The following WDR37 variants were observed in gnomAD, a reference collection of about 807,000 sequenced individuals.
WDR37 encodes the protein WD repeat-containing protein 37.
Under a neutral mutation model 62.9 loss-of-function variants are expected in WDR37, and 19 were observed. The observed-to-expected ratio is 0.30, with a 90% confidence interval of 0.21 to 0.44. The LOEUF (loss-of-function observed/expected upper bound fraction) is 0.44, where lower values mean the gene tolerates loss of function less well. WDR37 is among the 20% of genes least tolerant of loss of function. The pLI, the probability that WDR37 is intolerant of heterozygous loss-of-function variation, is 1.00. For synonymous variants in WDR37, 250 were observed against 260.9 expected (o/e 0.96, Z 0.40); for missense variants, 474 against 657.6 (o/e 0.72, Z 3.05).
intron 4 of WDR37, 81 bp from the exon 5 acceptor site, chr10:1,080,331 T>G: frequency 6.4e-7 from 1 of 1,572,948 alleles, no homozygotes; most frequent in Non-Finnish European, 8.7e-7. Context: ...TTTCTTCCTG[T>G]GCAAGACACA....
chr10:1,068,096 A>T (rs1589077350), intron 1 of WDR37, among the ~76,000 whole-genome samples: 1 of 152,218 alleles, frequency 6.6e-6, no homozygotes, highest in Non-Finnish European at 1.5e-5. Context: ...CGGAGGGAGG[A>T]TGAGAAGAGA....
At chr10:1,068,819 T>C (rs1464299304) in intron 1 of WDR37, among the ~76,000 whole-genome samples, 1 of 152,102 alleles carries the variant, frequency 6.6e-6, no homozygotes, top group Non-Finnish European at 1.5e-5. Context: ...ACCTAAAATA[T>C]GGAAACAACC....
At chr10:1,089,848 C>G (rs1314810392) in intron 7 of WDR37, among the ~76,000 whole-genome samples, 2 of 152,344 alleles carry the variant, frequency 1.3e-5, no homozygotes, top group African/African-American at 4.8e-5. Context: ...TTCCAGGATG[C>G]CTTCTGCATT....
intron 11 of WDR37, among the ~76,000 whole-genome samples, chr10:1,118,987 A>G (rs1027086112): frequency 3.3e-5 from 5 of 152,232 alleles, no homozygotes; most frequent in African/African-American, 1.2e-4. Context: ...TCTAAAACTG[A>G]TAACGTAGAA....
chr10:1,123,621 T>C (rs1038479180), intron 11 of WDR37, among the ~76,000 whole-genome samples: 1 of 152,268 alleles, frequency 6.6e-6, no homozygotes, highest in African/African-American at 2.4e-5. Flanking sequence ...GTGGGTTGTT[T>C]GCACCTCTTT....
intron 13 of WDR37, among the ~76,000 whole-genome samples, chr10:1,126,363 G>C (rs373160450): frequency 1.6e-4 from 24 of 148,230 alleles, no homozygotes; most frequent in South Asian, 4.3e-4. Flanking sequence ...CTGAGATCGC[G>C]CCACTGCACT....
chr10:1,081,347 G>C (rs557527447), intron 5 of WDR37, among the ~76,000 whole-genome samples: 1 of 152,266 alleles, frequency 6.6e-6, no homozygotes, highest in East Asian at 1.9e-4. Context: ...CTGTACTTTG[G>C]CATATTTCAA....
chr10:1,100,742 T>C (rs922179544), intron 9 of WDR37, among the ~76,000 whole-genome samples: 6 of 152,286 alleles, frequency 3.9e-5, no homozygotes, highest in African/African-American at 1.4e-4. Flanking sequence ...CTTTGAGGGG[T>C]TCACCCCGTG....
In WDR37 at chr10:1,089,109, G is replaced by A. The variant is rs531979697; in HGVS notation, c.604+2752G>A. Among the ~76,000 whole-genome samples the A allele has an allele frequency of 2.6e-5, 4 of 152,198 alleles. No individual in the cohort carries two copies. In the South Asian group the frequency reaches 6.2e-4, roughly 24 times the overall value. Reference sequence around the variant, plus strand: ...TCAAGGGTGTGTCTTCACAGGCCCTGAGCTTTAGTTTCATCTGCCAGTCCT... The same window carrying A: ...TCAAGGGTGTGTCTTCACAGGCCCTAAGCTTTAGTTTCATCTGCCAGTCCT... On this transcript the variant is annotated intron_variant, in intron 7 of 13. Coordinates refer to ENST00000263150, the MANE Select transcript of WDR37 (RefSeq NM_014023.4).
intron 11 of WDR37, among the ~76,000 whole-genome samples, chr10:1,108,498 C>G (rs1430922831): frequency 1.3e-5 from 2 of 152,192 alleles, no homozygotes; most frequent in Non-Finnish European, 2.9e-5. Flanking sequence ...CAGAGGTGCT[C>G]TCCTGTTTCA....
At chr10:1,057,216 G>C (rs929868177) in intron 1 of WDR37, among the ~76,000 whole-genome samples, 7 of 152,028 alleles carry the variant, frequency 4.6e-5, no homozygotes, top group Non-Finnish European at 7.4e-5. Context: ...AGAAGTCGGG[G>C]CGCAGGAGTA....
At chr10:1,096,486 C>G in intron 9 of WDR37, 1 of 545,794 alleles carries the variant, frequency 1.8e-6, no homozygotes, top group Non-Finnish European at 3.3e-6. Context: ...TGTTCTCAAT[C>G]TCTCTGTCAC....
chr10:1,098,325 C>T (rs1373600551), intron 9 of WDR37, among the ~76,000 whole-genome samples: 2 of 136,192 alleles, frequency 1.5e-5, no homozygotes, highest in Non-Finnish European at 3.2e-5. Flanking sequence ...CCCATCTGTC[C>T]GTTTTTTTTT....
At chr10:1,126,392 C>G (rs187050709) in intron 13 of WDR37, among the ~76,000 whole-genome samples, 14 of 141,232 alleles carry the variant, frequency 9.9e-5, no homozygotes, top group East Asian at 2.0e-4. Flanking sequence ...GGCGACAGAG[C>G]GAGACTGTGT....
intron 7 of WDR37, among the ~76,000 whole-genome samples, chr10:1,090,932 C>G (rs1030637506): frequency 1.3e-5 from 2 of 152,178 alleles, no homozygotes; most frequent in Non-Finnish European, 2.9e-5. Flanking sequence ...GCTGCCCCGG[C>G]CTTCCTGCTC....
intron 2 of WDR37, among the ~76,000 whole-genome samples, chr10:1,072,517 T>C (rs1833760684): frequency 6.6e-6 from 1 of 152,182 alleles, no homozygotes; most frequent in Admixed American, 6.5e-5. Flanking sequence ...TTTCACCATG[T>C]TGGTCAGGCT....
chr10:1,084,721 TC>T (rs1259431740), intron 6 of WDR37, among the ~76,000 whole-genome samples, 183 bp downstream of exon 6: 12 of 152,232 alleles, frequency 7.9e-5, no homozygotes, highest in African/African-American at 2.9e-4. Flanking sequence ...AGTCCTGCAT[TC>T]CGTGGTCTTG....
intron 5 of WDR37, among the ~76,000 whole-genome samples, chr10:1,082,812 A>G (rs7094060): frequency 0.13 from 14,612 of 111,734 alleles, 1,449 homozygotes; most frequent in African/African-American, 0.3. Flanking sequence ...CAGTGCAGTC[A>G]GAGCCTCTGG....
intron 7 of WDR37, among the ~76,000 whole-genome samples, chr10:1,092,933 A>G (rs1834449442): frequency 2.0e-5 from 3 of 147,596 alleles, no homozygotes; most frequent in South Asian, 2.2e-4. Flanking sequence ...TTGTAAGGAA[A>G]GTGGGAGGAC....
Sources: gnomAD v4.1 joint callset for allele counts (sites outside exome capture counted in the v4.1 genomes callset) on GRCh38, gnomAD v4.1.1 for gene constraint, MANE v1.5 for transcripts, NCBI Gene and HGNC (gene_info 2026-07-23, HGNC 2026-07-21) for gene names.